CCDC171: variants seen among roughly 807,000 people sequenced by gnomAD.
CCDC171 encodes coiled-coil domain-containing protein 171.
Under a neutral mutation model 168.2 loss-of-function variants are expected in CCDC171, and 177 were observed. The observed-to-expected ratio is 1.05, with a 90% CI of 0.93 to 1.19. The LOEUF (loss-of-function observed/expected upper bound fraction) is 1.19, where lower values mean the gene tolerates loss of function less well. Ranked by LOEUF, CCDC171 falls within the 50% of genes most tolerant of loss-of-function variation. The pLI, the probability that CCDC171 is intolerant of heterozygous loss-of-function variation, is 0.00. For missense variants in CCDC171, 1,991 were observed against 1,539.0 expected (o/e 1.29, Z -4.91); for synonymous variants, 687 against 540.8 (o/e 1.27, Z -3.75).
At chr9:15,681,827 C>A (rs1169434978) in intron 10 of CCDC171, among the ~76,000 whole-genome samples, 3 of 152,048 alleles carry the variant, frequency 2.0e-5, no homozygotes, top group African/African-American at 7.2e-5. Flanking sequence ...TGACTGAAGA[C>A]AGAATGACTT....
chr9:15,590,779 T>TTCTTTC (rs1554693086), intron 4 of CCDC171, among the ~76,000 whole-genome samples: 14,243 of 113,346 alleles, frequency 0.13, 812 homozygotes, highest in East Asian at 0.18. Flanking sequence ...TTCTCTTTCT[T>TTCTTTC]TCTTTCTTTC....
At chr9:15,898,503 T>A (rs902312641) in intron 24 of CCDC171, among the ~76,000 whole-genome samples, 2 of 152,196 alleles carry the variant, frequency 1.3e-5, no homozygotes, top group African/African-American at 2.4e-5. Context: ...TTCAAGTATC[T>A]GCATAAGAAG....
At chr9:15,728,745 T>A (rs2053973754) in intron 15 of CCDC171, among the ~76,000 whole-genome samples, 1 of 152,060 alleles carries the variant, frequency 6.6e-6, no homozygotes, top group Admixed American at 6.6e-5. Flanking sequence ...TTATCCTGGG[T>A]CTATTGAACT....
chr9:15,905,840 T>C (rs1369101162), intron 24 of CCDC171, among the ~76,000 whole-genome samples: 1 of 152,058 alleles, frequency 6.6e-6, no homozygotes, highest in Admixed American at 6.6e-5. Context: ...ATAAAGGGGA[T>C]ATCACCACCA....
At chr9:15,814,705 T>C (rs1048499919) in intron 21 of CCDC171, among the ~76,000 whole-genome samples, 1 of 152,048 alleles carries the variant, frequency 6.6e-6, no homozygotes. Context: ...TTAAAAATAT[T>C]TTTGTATTTG....
At chr9:15,648,232 T>C (rs1434861570) in intron 7 of CCDC171, among the ~76,000 whole-genome samples, 2 of 152,168 alleles carry the variant, frequency 1.3e-5, no homozygotes, top group African/African-American at 4.8e-5. Context: ...AAATTAGGTA[T>C]TGATGGGACG....
chr9:15,997,248 C>G (rs1302227987), intron 3 of CCDC171, among the ~76,000 whole-genome samples: 1 of 152,086 alleles, frequency 6.6e-6, no homozygotes, highest in Non-Finnish European at 1.5e-5. Context: ...ACATGGAGCT[C>G]TAGAGCAAAG....
the CCDC171 span, among the ~76,000 whole-genome samples, chr9:16,102,488 T>TGGGG: frequency 2.4e-4 from 12 of 50,058 alleles, no homozygotes; most frequent in Admixed American, 3.0e-4. Context: ...AAACGTGTGT[T>TGGGG]GGGGGGGGGC....
chr9:15,764,862 G>A (rs771272159), intron 18 of CCDC171, among the ~76,000 whole-genome samples: 4 of 152,178 alleles, frequency 2.6e-5, no homozygotes, highest in Non-Finnish European at 5.9e-5. Flanking sequence ...CCCAGATTTT[G>A]GCTGGGGTGG....
chr9:16,106,466 A>G, the CCDC171 span, among the ~76,000 whole-genome samples: 3 of 152,268 alleles, frequency 2.0e-5, no homozygotes, highest in East Asian at 5.8e-4. Context: ...ACCCAGTGCA[A>G]TTCCGGAGCT....
intron 11 of CCDC171, among the ~76,000 whole-genome samples, chr9:15,702,052 G>T (rs939304421): frequency 6.6e-6 from 1 of 152,156 alleles, no homozygotes; most frequent in Non-Finnish European, 1.5e-5. Context: ...TGTGTTACCA[G>T]GCTTGAAAAC....
chr9:16,092,378 C>T, the CCDC171 span, among the ~76,000 whole-genome samples: 2 of 152,268 alleles, frequency 1.3e-5, no homozygotes, highest in South Asian at 2.1e-4. Context: ...CCTCAGGCAC[C>T]TTTAGTGTGT....
At chr9:15,895,782 C>T (rs954902410) in intron 24 of CCDC171, among the ~76,000 whole-genome samples, 9 of 152,044 alleles carry the variant, frequency 5.9e-5, no homozygotes, top group Non-Finnish European at 8.8e-5. Context: ...TGTTTTGCAA[C>T]ACATTAATAA....
At chr9:16,020,492 A>G (rs1314161901) in intron 3 of CCDC171, 1 of 154,228 alleles carries the variant, frequency 6.5e-6, no homozygotes, top group Non-Finnish European at 1.5e-5. Flanking sequence ...CAAGTACAGC[A>G]TATGATTTTT....
chr9:15,747,437 C>G (rs2055377259), intron 18 of CCDC171, among the ~76,000 whole-genome samples: 1 of 152,160 alleles, frequency 6.6e-6, no homozygotes, highest in Non-Finnish European at 1.5e-5. Flanking sequence ...GGTCCCTGAC[C>G]CTCGTGTAGC....
At chr9:15,788,272 A>G (rs1016859914) in intron 21 of CCDC171, among the ~76,000 whole-genome samples, 5 of 152,232 alleles carry the variant, frequency 3.3e-5, no homozygotes, top group Admixed American at 1.3e-4. Flanking sequence ...CCTCTTCTGC[A>G]GAAATAAGGA....
At chr9:16,035,788 C>G (rs1833454094) in intron 7 of CCDC171, among the ~76,000 whole-genome samples, 1 of 152,180 alleles carries the variant, frequency 6.6e-6, no homozygotes, top group East Asian at 1.9e-4. Flanking sequence ...AATATTTATT[C>G]AATATCCACT....
intron 7 of CCDC171, among the ~76,000 whole-genome samples, chr9:15,639,446 T>G (rs2046431413): frequency 6.6e-6 from 1 of 152,138 alleles, no homozygotes; most frequent in African/African-American, 2.4e-5. Flanking sequence ...TAATCAGAAT[T>G]TGCGACCACA....
intron 18 of CCDC171, among the ~76,000 whole-genome samples, chr9:15,765,136 A>T (rs1456745016): frequency 2.0e-5 from 3 of 152,206 alleles, no homozygotes; most frequent in African/African-American, 4.8e-5. Flanking sequence ...CAAGATAGAG[A>T]TAACTGATGA....
Sources: gnomAD v4.1 joint callset for allele counts (sites outside exome capture counted in the v4.1 genomes callset) on GRCh38, gnomAD v4.1.1 for gene constraint, MANE v1.5 for transcripts, NCBI Gene and HGNC (gene_info 2026-07-23, HGNC 2026-07-21) for gene names.